Variants in GHSR observed in about 807,000 individuals in gnomAD.
The protein encoded by GHSR is growth hormone secretagogue receptor type 1.
Under a neutral mutation model 24.0 loss-of-function variants are expected in GHSR, and 17 were observed. That is an observed-to-expected ratio of 0.71 (90% CI 0.49 to 1.06). The LOEUF is 1.06. GHSR is among the 50% of genes least tolerant of loss of function. The probability of loss-of-function intolerance (pLI) is 0.00; values close to 1 mark genes in which losing one functional copy is unlikely to be tolerated. For missense variants in GHSR, 504 were observed against 483.1 expected, an observed-to-expected ratio of 1.04 and a Z score of -0.41; for synonymous variants, 238 against 208.1, an observed-to-expected ratio of 1.14 and a Z score of -1.24.
At position 172,443,355 on chromosome 3, in the gene GHSR, C is replaced by T. The variant is rs1401232218; in HGVS notation, c.*1806G>A. Among the ~76,000 whole-genome samples, 1 of 151,898 alleles carries T rather than the reference C, an allele frequency of 6.6e-6. No individual in the cohort carries two copies. Among genetic ancestry groups the T allele is most frequent in the African/African-American group, 2.4e-5 (1 of 41,338 alleles). On this transcript the variant is annotated 3_prime_UTR_variant, in exon 2 of 2. Coordinates refer to ENST00000241256, the MANE Select transcript of GHSR (RefSeq NM_198407.2). ...AGCTTGCTAGTGTTCTGTATTTAGA[C>T]CACATTGGTGGTGCAGTTTTAGTGT...
rs767592667 is a variant in GHSR, at chr3:172,448,291, C to T, written c.123G>A (p.Pro41=). 4 of 1,612,330 alleles carry T rather than the reference C, an allele frequency of 2.5e-6. No individual in the cohort carries two copies. Among genetic ancestry groups the T allele is most frequent in the African/African-American group, 1.3e-5 (1 of 75,048 alleles). The change falls in exon 1 of 2, where the codon CCG becomes CCA. Residue 41 remains proline, a synonymous_variant. Coordinates refer to ENST00000241256, the MANE Select transcript of GHSR (RefSeq NM_198407.2). The surrounding 1 kb of genome is among the most constrained non-coding windows in gnomAD (Gnocchi z 4.8). ...GDELLQLFPA[P]LLAGVTATCV... ...AGGTGGCTGTGACGCCCGCCAGCAG[C>T]GGCGCGGGGAAGAGCTGCAGCAGCT...
In GHSR at chr3:172,448,289, A is replaced by C; in HGVS notation, c.125T>G (p.Leu42Arg). ...DELLQLFPAP[L>R]LAGVTATCVA... ...GCAGGTGGCTGTGACGCCCGCCAGCAGCGGCGCGGGGAAGAGCTGCAGCAG... is the reference window on the plus strand; with the variant it reads ...GCAGGTGGCTGTGACGCCCGCCAGCCGCGGCGCGGGGAAGAGCTGCAGCAG... The change falls in exon 1 of 2, where the codon CTG (leucine) becomes CGG (arginine). Residue 42 changes from leucine to arginine, a missense_variant. Physicochemically the swap from Leu to Arg is moderately radical, Grantham distance 102 (BLOSUM62 -2). Transcript: ENST00000241256. This position sits in a 1 kb window ranked among gnomAD's most constrained non-coding sequence, Gnocchi z 4.8. 6.2e-7 allele frequency: 1 copy of C among 1,612,592 alleles called. No homozygotes were observed. Among genetic ancestry groups the C allele is most frequent in the Non-Finnish European group, 8.5e-7 (1 of 1,179,868 alleles).
chr3:172,445,491 G>A (rs4988508), intron 1 of GHSR, 26 bp from the exon 2 acceptor site: 25 of 1,598,998 alleles, frequency 1.6e-5, no homozygotes, highest in Non-Finnish European at 2.0e-5. Flanking sequence ...GAGAGAGATA[G>A]TCAGCTCAAG....
chr3:172,445,651 T>G (rs1737442626), intron 1 of GHSR, among the ~76,000 whole-genome samples, 186 bp from the exon 2 acceptor site: 1 of 152,246 alleles, frequency 6.6e-6, no homozygotes, highest in African/African-American at 2.4e-5. Flanking sequence ...AGTTCAACAA[T>G]TTTTACTGAG....
rs1042263880 is a variant in GHSR at position 172,444,798 on chromosome 3, C to T, written c.*363G>A. ...TTGTATTGTAATGTCATTCTTTTAACCAAATAATTTTGATCATTATGAAAA... is the reference window on the plus strand; with the variant it reads ...TTGTATTGTAATGTCATTCTTTTAATCAAATAATTTTGATCATTATGAAAA... On this transcript the variant is annotated 3_prime_UTR_variant, in exon 2 of 2. Transcript: ENST00000241256. 6.6e-6 allele frequency among the ~76,000 whole-genome samples: 1 copy of T among 152,078 alleles called. No individual in the cohort carries two copies. Among genetic ancestry groups the T allele is most frequent in the South Asian group, 2.1e-4 (1 of 4,816 alleles).
In GHSR at chr3:172,446,689, G is replaced by T. The variant is rs568411501; in HGVS notation, c.796+929C>A. 5.9e-5 allele frequency among the ~76,000 whole-genome samples: 9 copies of T among 152,260 alleles called. No individual in the cohort carries two copies. The East Asian group carries it at 1.7e-3, about 29-fold the overall frequency. On this transcript the variant is annotated intron_variant, in intron 1 of 1. Transcript: ENST00000241256. ...AACCATATTTATTATTACTTCACTTGTACCAAACACATATACTTAAAGAAG... is the reference window on the plus strand; with the variant it reads ...AACCATATTTATTATTACTTCACTTTTACCAAACACATATACTTAAAGAAG...
At position 172,445,429 on chromosome 3, in the gene GHSR, G is replaced by A. The variant is rs1737435208; in HGVS notation, c.833C>T (p.Pro278Leu). Residue 278 changes from proline to leucine, a missense_variant, in exon 2 of 2, where the codon CCC (proline) becomes CTC (leucine). Physicochemically the swap from Pro to Leu is moderately conservative, Grantham distance 98 (BLOSUM62 -3). Transcript: ENST00000241256. Reference protein sequence around the residue: ...VVFAFILCWLPFHVGRYLFSK... With the variant: ...VVFAFILCWLLFHVGRYLFSK... ...AAATAAATATCGCCCTACGTGGAAG[G>A]GGAGCCAGCAGAGGATGAAGGCAAA... 6.2e-7 allele frequency: 1 copy of A among 1,613,572 alleles called. No homozygotes were observed. The highest frequency in any genetic ancestry group is 8.5e-7 in the Non-Finnish European group (1 of 1,179,992).
rs1673838880 is a variant in GHSR at position 172,444,789 on chromosome 3, T to C, written c.*372A>G. Among the ~76,000 whole-genome samples the C allele has an allele frequency of 6.6e-6, 1 of 152,218 alleles. No homozygotes were observed. The highest frequency in any genetic ancestry group is 1.5e-5 in the Non-Finnish European group (1 of 68,046). ...TTTTAAATTTTGTATTGTAATGTCA[T>C]TCTTTTAACCAAATAATTTTGATCA... On this transcript the variant is annotated 3_prime_UTR_variant, in exon 2 of 2. Coordinates refer to ENST00000241256, the MANE Select transcript of GHSR (RefSeq NM_198407.2).
chr3:172,444,444 T>A lies in GHSR; in HGVS notation c.*717A>T, dbSNP rs1158546901. Among the ~76,000 whole-genome samples, 1 of 152,228 alleles carries A rather than the reference T, an allele frequency of 6.6e-6. No individual in the cohort carries two copies. The highest frequency in any genetic ancestry group is 6.5e-5 in the Admixed American group (1 of 15,288). On this transcript the variant is annotated 3_prime_UTR_variant, in exon 2 of 2. Transcript: ENST00000241256. ...TTTTTAACTTTAATTAATTTTAAGT[T>A]TAAAGGTTTACCGTTGTTTCAGTTA...
intron 1 of GHSR, among the ~76,000 whole-genome samples, chr3:172,446,885 T>C (rs894720379): frequency 2.6e-5 from 4 of 152,220 alleles, no homozygotes; most frequent in Admixed American, 6.5e-5. Flanking sequence ...TAGTCTATCC[T>C]ACCTGAAGAG....
Position 172,445,028 on chromosome 3 carries a change from T to C in GHSR, c.*133A>G. The C allele has an allele frequency of 1.0e-6, 1 of 980,606 alleles. No homozygotes were observed. The highest frequency in any genetic ancestry group is 1.6e-6 in the Non-Finnish European group (1 of 627,006). The allele number at this position is 980,606 out of a possible 1,614,324, so 60.7% of individuals were successfully genotyped here. On this transcript the variant is annotated 3_prime_UTR_variant, in exon 2 of 2. Transcript: ENST00000241256. ...CTCACACCCTACAAATGATATCTTT[T>C]TTCCCTCCCAGATGTTTCTGGATCT...
chr3:172,445,165 G>A lies in GHSR; in HGVS notation c.1097C>T (p.Thr366Ile), dbSNP rs200379396. ...CTGTACTCGCAATGTGCTAGGTCAT[G>A]TATTAATACTAGATTCTGTCCAGGC... is the stretch of plus-strand genomic sequence containing the variant. ...SRAWTESSIN[T>I] The change falls in exon 2 of 2, where the codon ACA (threonine) becomes ATA (isoleucine). Residue 366 changes from threonine to isoleucine, a missense_variant. Thr to Ile is a moderately conservative substitution (Grantham distance 89). Coordinates refer to ENST00000241256, the MANE Select transcript of GHSR (RefSeq NM_198407.2). 1 of 1,614,122 alleles carries A rather than the reference G, an allele frequency of 6.2e-7. No individual in the cohort carries two copies. The highest frequency in any genetic ancestry group is 8.5e-7 in the Non-Finnish European group (1 of 1,179,984).
intron 1 of GHSR, among the ~76,000 whole-genome samples, chr3:172,445,833 G>A (rs1386779399): frequency 6.6e-6 from 1 of 152,290 alleles, no homozygotes; most frequent in Non-Finnish European, 1.5e-5. Context: ...CTGTGTATCC[G>A]AGTCTCCTGG....
intron 1 of GHSR, among the ~76,000 whole-genome samples, chr3:172,446,754 A>G (rs1252418030): frequency 6.6e-6 from 1 of 152,226 alleles, no homozygotes; most frequent in Non-Finnish European, 1.5e-5. Context: ...TCCAGTTATG[A>G]CATTGTGCCC....
chr3:172,447,522 A>G (rs1737492341), intron 1 of GHSR, 96 bp downstream of exon 1: 6 of 1,555,380 alleles, frequency 3.9e-6, no homozygotes, highest in African/African-American at 1.4e-5. Context: ...GTAGCGACTC[A>G]GGGGGAAATA....
rs1415362221 is a variant in GHSR at position 172,444,606 on chromosome 3, A to G, written c.*555T>C. Among the ~76,000 whole-genome samples, 1 of 146,626 alleles carries G rather than the reference A, an allele frequency of 6.8e-6. No homozygotes were observed. On this transcript the variant is annotated 3_prime_UTR_variant, in exon 2 of 2. Coordinates refer to ENST00000241256, the MANE Select transcript of GHSR (RefSeq NM_198407.2). ...CAAATTGAGGGTTTCTGTAAGTGTA[A>G]AAAGCATGCCAGATTTCAAAGACTT...
In GHSR at chr3:172,448,120, CA is replaced by C; in HGVS notation, c.293del (p.Leu98ArgfsTer40). On this transcript the variant is annotated frameshift_variant, in exon 1 of 2. Transcript: ENST00000241256. LOFTEE classifies it high-confidence loss of function. The surrounding 1 kb of genome is among the most constrained non-coding windows in gnomAD (Gnocchi z 4.8). Reference sequence around the variant, plus strand: ...GGTACTGCCAGAGGCGAACGAGGTCCAGGGGCATGCAGAGGAAGATGAGCAG... The same window carrying C: ...GGTACTGCCAGAGGCGAACGAGGTCCGGGGCATGCAGAGGAAGATGAGCAG... ...SDLLIFLCMP[L>X]DLVRLWQYRP... 2 of 1,614,198 alleles carry C rather than the reference CA, an allele frequency of 1.2e-6. No individual in the cohort carries two copies. Among genetic ancestry groups the C allele is most frequent in the Non-Finnish European group, 1.7e-6 (2 of 1,180,040 alleles).
At chr3:172,446,703 T>C (rs1353377001) in intron 1 of GHSR, among the ~76,000 whole-genome samples, 2 of 152,234 alleles carry the variant, frequency 1.3e-5, no homozygotes, top group Admixed American at 6.5e-5. Context: ...CAAACACATA[T>C]ACTTAAAGAA....
chr3:172,448,203 A>G lies in GHSR; in HGVS notation c.211T>C (p.Phe71Leu), dbSNP rs1467597100. The stretch of plus-strand genomic sequence containing the variant: ...TTGGTGGTGGTGCGCAGCTCGCGGA[A>G]GCGCGACACCACCAGCATGGTGAGC... ...NLLTMLVVSR[F>L]RELRTTTNLY... is the part of the protein sequence containing the mutation. The change falls in exon 1 of 2, where the codon TTC becomes CTC. Residue 71 changes from phenylalanine to leucine, a missense_variant. Phe to Leu is a conservative substitution (Grantham distance 22). Coordinates refer to ENST00000241256, the MANE Select transcript of GHSR (RefSeq NM_198407.2). The surrounding 1 kb of genome is among the most constrained non-coding windows in gnomAD (Gnocchi z 4.8). 1.2e-6 allele frequency: 2 copies of G among 1,614,028 alleles called. No individual in the cohort carries two copies. The highest frequency in any genetic ancestry group is 1.7e-6 in the Non-Finnish European group (2 of 1,180,054).
Sources: allele counts gnomAD v4.1 joint callset (sites outside exome capture counted in the v4.1 genomes callset), GRCh38; gene constraint gnomAD v4.1.1; non-coding constraint Gnocchi (gnomAD v3.1); transcripts MANE v1.5; gene names NCBI Gene and HGNC (gene_info 2026-07-23, HGNC 2026-07-21).